The following BOP1 variants were observed in gnomAD, a reference collection of about 807,000 sequenced individuals.
The protein encoded by BOP1 is ribosome biogenesis protein BOP1.
In BOP1, 54 loss-of-function variants were observed where a neutral mutation model predicts 82.9. The ratio of observed to expected loss-of-function variants is 0.65; its 90% confidence interval spans 0.52 to 0.82. The LOEUF (loss-of-function observed/expected upper bound fraction) is 0.82, where lower values mean the gene tolerates loss of function less well. Among genes scored for constraint, BOP1 ranks in the 40% least tolerant of loss-of-function variants. The pLI, the probability that BOP1 is intolerant of heterozygous loss-of-function variation, is 0.00. For missense variants in BOP1, 1,170 were observed against 1,072.0 expected, an observed-to-expected ratio of 1.09 and a Z score of -1.28; for synonymous variants, 566 against 451.1, an observed-to-expected ratio of 1.25 and a Z score of -3.23.
chr8:144,276,268 C>A lies in BOP1; in HGVS notation c.346G>T (p.Ala116Ser). The change falls in exon 3 of 16, where the codon GCC (alanine) becomes TCC (serine). Residue 116 changes from alanine to serine, a missense_variant. Coordinates refer to ENST00000569669, the MANE Select transcript of BOP1 (RefSeq NM_015201.5). ...TCCGCATACTCATCCCCAATCCGGGCGCTCGCCATCTCTGTCCTCGGGCAA... is the reference window on the plus strand; with the variant it reads ...TCCGCATACTCATCCCCAATCCGGGAGCTCGCCATCTCTGTCCTCGGGCAA... ...TPCPRTEMAS[A>S]RIGDEYAEDS... The A allele has an allele frequency of 1.2e-6, 2 of 1,613,624 alleles. No homozygotes were observed. The highest frequency in any genetic ancestry group is 1.7e-4 in the Middle Eastern group (1 of 6,010).
intron 2 of BOP1, among the ~76,000 whole-genome samples, chr8:144,280,028 G>C (rs587735096): frequency 1.3e-5 from 2 of 152,318 alleles, no homozygotes; most frequent in African/African-American, 4.8e-5. Flanking sequence ...GCATGACACT[G>C]TACTCAGGGT....
At position 144,264,494 on chromosome 8, in the gene BOP1, C is replaced by A. The variant is rs2130199371; in HGVS notation, c.765+21G>T. On this transcript the variant is annotated intron_variant, in intron 6 of 15. Coordinates refer to ENST00000569669, the MANE Select transcript of BOP1 (RefSeq NM_015201.5). ...GCGGGGCGGTCAGCCCAGGCCAAGC[C>A]CCAGGGGCTGTGTGCCCCACCTTCT... 3.1e-6 allele frequency: 5 copies of A among 1,609,128 alleles called. No individual in the cohort carries two copies. In the East Asian group the frequency reaches 8.9e-5, roughly 29 times the overall value.
At chr8:144,288,989 G>T in intron 2 of BOP1, 106 bp downstream of exon 2, 2 of 1,266,396 alleles carry the variant, frequency 1.6e-6, no homozygotes, top group Non-Finnish European at 2.3e-6. Flanking sequence ...CGCCGGCCTT[G>T]GGGTTCTGAG....
intron 3 of BOP1, among the ~76,000 whole-genome samples, chr8:144,270,661 C>T (rs1215789857): frequency 6.6e-6 from 1 of 152,122 alleles, no homozygotes; most frequent in Non-Finnish European, 1.5e-5. Context: ...GTGGCGTGGG[C>T]TGACCCCCAG....
intron 2 of BOP1, chr8:144,281,594 T>TCACTTTCATACCAGGTCTTTGGCCTTCC (rs1845684002): frequency 7.0e-6 from 1 of 143,306 alleles, no homozygotes; most frequent in Admixed American, 7.5e-5. Context: ...TTTGGCCTTC[T>TCACTTTCATACCAGGTCTTTGGCCTTCC]CTCACTTTAA....
At position 144,264,533 on chromosome 8, in the gene BOP1, G is replaced by A. The variant is rs1845312277; in HGVS notation, c.747C>T (p.Ser249=). Residue 249 remains serine (S), a synonymous_variant, in exon 6 of 16, where the codon TCC becomes TCT. Coordinates refer to ENST00000569669, the MANE Select transcript of BOP1 (RefSeq NM_015201.5). ...RPADKRSFIP[S]LVEKEKVSRM... is the part of the protein sequence containing the mutation. Reference sequence around the variant, plus strand: ...GCCCCACCTTCTCCTTCTCCACCAGGGAGGGGATGAAGCTGCGCTTGTCGG... The same window carrying A: ...GCCCCACCTTCTCCTTCTCCACCAGAGAGGGGATGAAGCTGCGCTTGTCGG... The A allele has an allele frequency of 1.9e-6, 3 of 1,610,472 alleles. No homozygotes were observed. Among genetic ancestry groups the A allele is most frequent in the Admixed American group, 1.7e-5 (1 of 59,800 alleles).
Position 144,288,802 on chromosome 8 carries a change from A to G in BOP1, c.309+293T>C, listed in dbSNP as rs144359963. Among the ~76,000 whole-genome samples, 1,303 of 152,320 alleles carry G rather than the reference A, an allele frequency of 8.6e-3. 12 individuals carry two copies. The highest frequency in any genetic ancestry group is 0.013 in the Non-Finnish European group (910 of 68,018). On this transcript the variant is annotated intron_variant, in intron 2 of 15. Transcript: ENST00000569669. ...TGGGTCCTGCCACTGGATTCCAAGC[A>G]GTAAAATCCCCACCTCAAGGAAACC...
intron 3 of BOP1, chr8:144,266,734 C>A (rs1490843979): frequency 9.0e-6 from 10 of 1,113,684 alleles, no homozygotes; most frequent in Non-Finnish European, 1.1e-5. Context: ...GAAACCCTGT[C>A]GCGTGCACGC....
At chr8:144,288,345 C>T (rs1027398074) in intron 2 of BOP1, among the ~76,000 whole-genome samples, 2 of 149,772 alleles carry the variant, frequency 1.3e-5, no homozygotes, top group South Asian at 2.1e-4. Context: ...CTGGCCAACA[C>T]GGCAAAACCC....
At chr8:144,268,868 G>C (rs952839136) in intron 3 of BOP1, among the ~76,000 whole-genome samples, 3 of 152,156 alleles carry the variant, frequency 2.0e-5, no homozygotes, top group Non-Finnish European at 4.4e-5. Flanking sequence ...GGCCTGTCGG[G>C]CACCCGGGGG....
intron 3 of BOP1, among the ~76,000 whole-genome samples, chr8:144,273,196 G>C (rs1024368451): frequency 6.6e-6 from 1 of 152,192 alleles, no homozygotes. Flanking sequence ...AGCGGAGGCC[G>C]CCAGCACTGG....
At position 144,266,541 on chromosome 8, in the gene BOP1, G is replaced by A. The variant is rs1311845594; in HGVS notation, c.391-1470C>T. 4 of 995,198 alleles carry A rather than the reference G, an allele frequency of 4.0e-6. No homozygotes were observed. The East Asian group carries it at 4.3e-4, about 106-fold the overall frequency. The allele number at this position is 995,198 out of a possible 1,614,324, so 61.6% of individuals were successfully genotyped here. ...CCGCGCCTCGCCCCGGCCGGCCCGC[G>A]AGGCCCGCGGCGGCCGCAGGAGGCG... On this transcript the variant is annotated intron_variant, in intron 3 of 15. Transcript: ENST00000569669.
At chr8:144,285,781 C>T (rs569552513) in intron 2 of BOP1, among the ~76,000 whole-genome samples, 165 of 152,366 alleles carry the variant, frequency 1.1e-3, no homozygotes, top group African/African-American at 3.8e-3. Context: ...ATGGCTGTGG[C>T]GGGCGAGGGT....
intron 14 of BOP1, 40 bp from the exon 15 acceptor site, chr8:144,262,543 A>C (rs1243751439): frequency 6.2e-7 from 1 of 1,612,706 alleles, no homozygotes; most frequent in African/African-American, 1.3e-5. Context: ...GCTCGGGCTG[A>C]AGGGAGGGGC....
chr8:144,281,894 T>G (rs1215580681), intron 2 of BOP1: 1 of 114,642 alleles, frequency 8.7e-6, no homozygotes. Flanking sequence ...CTCACATTCT[T>G]GACTGTGACA....
chr8:144,265,359 C>G, intron 3 of BOP1: 1 of 555,218 alleles, frequency 1.8e-6, no homozygotes, highest in Admixed American at 3.2e-5. Flanking sequence ...ATTCCTTGGC[C>G]AGGGCTCTGG....
chr8:144,264,722 G>A lies in BOP1; in HGVS notation c.655C>T (p.Pro219Ser). Reference protein sequence around the residue: ...SGQFGDVGFNPYEPAVDFFSG... With the variant: ...SGQFGDVGFNSYEPAVDFFSG... ...CAGCCCCTGCCACCTACCTCATAGG[G>A]GTTGAAGCCCACATCCCCAAACTGG... is the stretch of plus-strand genomic sequence containing the variant. The change falls in exon 5 of 16, where the codon CCC becomes TCC. Residue 219 changes from proline to serine, a missense_variant. Physicochemically the swap from Pro to Ser is moderately conservative, Grantham distance 74. Coordinates refer to ENST00000569669, the MANE Select transcript of BOP1 (RefSeq NM_015201.5). 2.5e-6 allele frequency: 4 copies of A among 1,576,200 alleles called. No individual in the cohort carries two copies. The highest frequency in any genetic ancestry group is 2.3e-5 in the East Asian group (1 of 43,234).
chr8:144,284,958 C>CCA (rs1322432007), intron 2 of BOP1, among the ~76,000 whole-genome samples: 1 of 152,218 alleles, frequency 6.6e-6, no homozygotes, highest in Non-Finnish European at 1.5e-5. Context: ...CAGCTGACCC[C>CCA]CAGCAGTCAC....
At chr8:144,290,652 G>T (rs926706134) in intron 1 of BOP1, among the ~76,000 whole-genome samples, 6 of 152,234 alleles carry the variant, frequency 3.9e-5, no homozygotes, top group Non-Finnish European at 8.8e-5. Context: ...CTGGCGCCTA[G>T]AGTGGCCTGC....
Sources: allele counts gnomAD v4.1 joint callset (sites outside exome capture counted in the v4.1 genomes callset), GRCh38; gene constraint gnomAD v4.1.1; transcripts MANE v1.5; gene names NCBI Gene and HGNC (gene_info 2026-07-23, HGNC 2026-07-21).